FSTL5: variants seen among roughly 807,000 people sequenced by gnomAD.
FSTL5 encodes follistatin like 5, also known as follistatin-related protein 5.
FSTL5 carries 62 observed loss-of-function variants against 89.1 expected under a neutral mutation model. That is an observed-to-expected ratio of 0.70 (90% CI 0.57 to 0.86). The LOEUF (loss-of-function observed/expected upper bound fraction) is 0.86. FSTL5 is among the 40% of genes least tolerant of loss of function. The probability of loss-of-function intolerance (pLI) is 0.00; values close to 1 mark genes in which losing one functional copy is unlikely to be tolerated. For synonymous variants in FSTL5, 383 were observed against 346.2 expected (o/e 1.11, Z -1.18); for missense variants, 1,057 against 1,001.6 (o/e 1.06, Z -0.75).
intron 4 of FSTL5, among the ~76,000 whole-genome samples, chr4:161,896,646 T>C (rs1733166569): frequency 6.6e-6 from 1 of 152,194 alleles, no homozygotes; most frequent in Admixed American, 6.5e-5. Flanking sequence ...ATAAGAAATC[T>C]GTAATATCTT....
At chr4:161,658,373 C>G (rs1399463580) in intron 6 of FSTL5, among the ~76,000 whole-genome samples, 1 of 151,754 alleles carries the variant, frequency 6.6e-6, no homozygotes, top group Non-Finnish European at 1.5e-5. Context: ...GCAGGAGAAT[C>G]TCTTGAACCC....
chr4:161,972,411 T>C (rs182073090), intron 3 of FSTL5, among the ~76,000 whole-genome samples: 104 of 152,260 alleles, frequency 6.8e-4, no homozygotes, highest in African/African-American at 2.5e-3. Context: ...GAAAAGGTAA[T>C]AGGACACCAT....
intron 2 of FSTL5, among the ~76,000 whole-genome samples, chr4:162,065,201 T>C (rs1427813452): frequency 1.3e-5 from 2 of 151,946 alleles, no homozygotes; most frequent in Non-Finnish European, 2.9e-5. Flanking sequence ...ATCTTGGCAA[T>C]GATTTTTTAG....
intron 15 of FSTL5, 88 bp downstream of exon 15, chr4:161,454,916 A>C (rs1733295459): frequency 8.0e-7 from 1 of 1,243,098 alleles, no homozygotes; most frequent in Non-Finnish European, 1.1e-6. Context: ...TATTTGTTTC[A>C]TATCTAAGTT....
intron 1 of FSTL5, among the ~76,000 whole-genome samples, chr4:162,118,807 C>T (rs1286459077): frequency 2.0e-5 from 3 of 151,918 alleles, no homozygotes; most frequent in Non-Finnish European, 4.4e-5. Flanking sequence ...CCAGATGGTA[C>T]TTAATTCTCC....
chr4:161,461,018 G>A lies in FSTL5; in HGVS notation c.1609-1699C>T, dbSNP rs185239396. ...AAGATTAGTATGATGCATGATTTCT[G>A]AGAATAATACTCCATTCCATCAACA... On this transcript the variant is annotated intron_variant, in intron 13 of 15. Transcript: ENST00000306100. Among the ~76,000 whole-genome samples, 198 of 151,170 alleles carry A rather than the reference G, an allele frequency of 1.3e-3. 2 individuals are homozygous for A. The highest frequency in any genetic ancestry group is 4.7e-3 in the African/African-American group (190 of 40,618).
At chr4:162,016,919 T>A (rs2111145863) in intron 3 of FSTL5, among the ~76,000 whole-genome samples, 1 of 152,324 alleles carries the variant, frequency 6.6e-6, no homozygotes, top group African/African-American at 2.4e-5. Flanking sequence ...ACCATCAGGA[T>A]ATCTGTAGTC....
chr4:162,102,662 T>A (rs953580298), intron 2 of FSTL5, among the ~76,000 whole-genome samples: 17 of 145,872 alleles, frequency 1.2e-4, no homozygotes, highest in Admixed American at 5.6e-4. Flanking sequence ...TATATACATA[T>A]ATAAAAATAT....
chr4:161,598,574 T>G (rs1734118067), intron 7 of FSTL5, among the ~76,000 whole-genome samples: 1 of 152,158 alleles, frequency 6.6e-6, no homozygotes, highest in Admixed American at 6.5e-5. Context: ...AGTGATGTAT[T>G]AAGATAAAGT....
chr4:162,147,260 ATTAGT>A (rs1394205736), intron 1 of FSTL5, among the ~76,000 whole-genome samples: 1 of 152,100 alleles, frequency 6.6e-6, no homozygotes, highest in African/African-American at 2.4e-5. Flanking sequence ...TAATCTGGAA[ATTAGT>A]TTCTTAGTTT....
At chr4:161,915,468 A>C (rs1733812722) in intron 4 of FSTL5, among the ~76,000 whole-genome samples, 1 of 152,072 alleles carries the variant, frequency 6.6e-6, no homozygotes, top group Admixed American at 6.6e-5. Context: ...AGATTTTATT[A>C]TATTTTATTA....
intron 8 of FSTL5, among the ~76,000 whole-genome samples, chr4:161,573,091 T>G (rs1320751234): frequency 6.6e-6 from 1 of 152,154 alleles, no homozygotes; most frequent in Non-Finnish European, 1.5e-5. Flanking sequence ...TTAGTGTATT[T>G]GTTTCCTAAT....
chr4:161,735,964 A>G (rs997411112), intron 6 of FSTL5, among the ~76,000 whole-genome samples: 65 of 152,284 alleles, frequency 4.3e-4, no homozygotes, highest in Non-Finnish European at 8.1e-4. Context: ...AAGAGAAAAA[A>G]GAGAAGAAAA....
intron 4 of FSTL5, among the ~76,000 whole-genome samples, chr4:161,779,820 T>TATAC (rs1741589422): frequency 1.4e-5 from 1 of 72,408 alleles, no homozygotes; most frequent in African/African-American, 9.3e-5. Context: ...TGTATATATA[T>TATAC]ATATATATAT....
chr4:161,798,525 A>G (rs570655269), intron 4 of FSTL5, among the ~76,000 whole-genome samples: 9 of 151,448 alleles, frequency 5.9e-5, no homozygotes, highest in East Asian at 1.9e-4. Flanking sequence ...AATTGAGAGT[A>G]TCTTCAAAAT....
intron 4 of FSTL5, among the ~76,000 whole-genome samples, chr4:161,917,116 C>T (rs1733862578): frequency 6.6e-6 from 1 of 152,088 alleles, no homozygotes; most frequent in Non-Finnish European, 1.5e-5. Context: ...CCACACCTGA[C>T]TAATTTTTTT....
intron 13 of FSTL5, among the ~76,000 whole-genome samples, chr4:161,466,032 T>C (rs987664396): frequency 2.6e-5 from 4 of 152,202 alleles, no homozygotes; most frequent in Non-Finnish European, 4.4e-5. Context: ...CAGTGTTATA[T>C]TGTCATGATG....
At chr4:161,719,123 T>G (rs1261021561) in intron 6 of FSTL5, among the ~76,000 whole-genome samples, 2 of 152,208 alleles carry the variant, frequency 1.3e-5, no homozygotes, top group Non-Finnish European at 2.9e-5. Flanking sequence ...TTAATTTACA[T>G]AAATGCATGA....
chr4:161,637,567 G>C (rs1735769869), intron 7 of FSTL5, among the ~76,000 whole-genome samples: 1 of 148,756 alleles, frequency 6.7e-6, no homozygotes, highest in Admixed American at 6.8e-5. Context: ...GTAATGCCTA[G>C]GTTTTCTTCT....
Sources: gnomAD v4.1 joint callset for allele counts (sites outside exome capture counted in the v4.1 genomes callset) on GRCh38, gnomAD v4.1.1 for gene constraint, MANE v1.5 for transcripts, NCBI Gene and HGNC (gene_info 2026-07-23, HGNC 2026-07-21) for gene names.